The following ISL1 variants were observed in gnomAD, a reference collection of about 807,000 sequenced individuals.
ISL1 encodes the protein insulin gene enhancer protein ISL-1.
ISL1 carries 4 observed loss-of-function variants against 35.3 expected under a neutral mutation model. The ratio of observed to expected loss-of-function variants is 0.11; its 90% CI spans 0.06 to 0.26. The LOEUF (loss-of-function observed/expected upper bound fraction) is 0.26, where lower values mean the gene tolerates loss of function less well. Ranked by LOEUF, ISL1 falls within the 10% of genes least tolerant of loss-of-function variation. ISL1 has a pLI of 1.00. For missense variants in ISL1, 340 were observed against 472.8 expected (o/e 0.72, Z 2.60); for synonymous variants, 186 against 172.3 (o/e 1.08, Z -0.62).
chr5:51,384,417 AAG>A (rs1491189135), intron 1 of ISL1, 122 bp from the exon 2 acceptor site: 321 of 765,632 alleles, frequency 4.2e-4, no homozygotes, highest in African/African-American at 3.9e-3. Context: ...AAAAAAAAAA[AAG>A]AAAGAAAGAA....
In ISL1 at chr5:51,391,363, A is replaced by T; in HGVS notation, c.855A>T (p.Gln285His). 6.2e-7 allele frequency: 1 copy of T among 1,614,176 alleles called. No homozygotes were observed. Among genetic ancestry groups the T allele is most frequent in the Non-Finnish European group, 8.5e-7 (1 of 1,180,038 alleles). The change falls in exon 5 of 6, where the codon CAA (glutamine) becomes CAT (histidine). Residue 285 changes from glutamine (Q) to histidine (H), a missense_variant. Coordinates refer to ENST00000230658, the MANE Select transcript of ISL1 (RefSeq NM_002202.3). ...TACAGGCTAACCCAGTGGAAGTACA[A>T]AGTTACCAGCCACCTTGGAAAGTAC... Reference protein sequence around the residue: ...GGLQANPVEVQSYQPPWKVLS... With the variant: ...GGLQANPVEVHSYQPPWKVLS...
chr5:51,387,677 G>A lies in ISL1; in HGVS notation c.406G>A (p.Val136Met). 1 of 1,614,238 alleles carries A rather than the reference G, an allele frequency of 6.2e-7. No individual in the cohort carries two copies. Residue 136 changes from valine to methionine, a missense_variant, in exon 3 of 6, where the codon GTG becomes ATG. This residue lies in a region of ISL1 where 94 missense variants were observed against 102.1 expected (regional missense o/e 0.92). Transcript: ENST00000230658. The surrounding 1 kb of genome is among the most constrained non-coding windows in gnomAD (Gnocchi z 4.3). ...CTTCTGCCGAGCAGACCACGATGTGGTGGAGAGGGCCAGTCTAGGCGCTGG... is the reference window on the plus strand; with the variant it reads ...CTTCTGCCGAGCAGACCACGATGTGATGGAGAGGGCCAGTCTAGGCGCTGG... The part of the protein sequence containing the change: ...GLFCRADHDV[V>M]ERASLGAGDP...
Position 51,392,589 on chromosome 5 carries a change from G to A in ISL1, c.934-905G>A, listed in dbSNP as rs192897513. ...TAATCTCATATTGGAAAAATTTACT[G>A]TAGAAAGAAATGTAGGCTCTAGAAC... On this transcript the variant is annotated intron_variant, in intron 5 of 5. Transcript: ENST00000230658. Among the ~76,000 whole-genome samples the A allele has an allele frequency of 5.3e-4, 81 of 152,224 alleles. No homozygotes were observed. The East Asian group carries it at 0.013, about 25-fold the overall frequency.
rs1363860086 is a variant in ISL1, at chr5:51,391,300, C to A, written c.792C>A (p.Pro264=). The A allele has an allele frequency of 1.2e-6, 2 of 1,612,962 alleles. No individual in the cohort carries two copies. Among genetic ancestry groups the A allele is most frequent in the Non-Finnish European group, 1.7e-6 (2 of 1,179,990 alleles). ...KTNIQGMTGT[P]MVAASPERHD... Reference sequence around the variant, plus strand: ...ATATCCAGGGGATGACAGGAACTCCCATGGTGGCTGCCAGTCCAGAGAGAC... The same window carrying A: ...ATATCCAGGGGATGACAGGAACTCCAATGGTGGCTGCCAGTCCAGAGAGAC... The change falls in exon 5 of 6, where the codon CCC becomes CCA. Residue 264 remains proline, a synonymous_variant. Coordinates refer to ENST00000230658, the MANE Select transcript of ISL1 (RefSeq NM_002202.3).
intron 5 of ISL1, 45 bp from the exon 6 acceptor site, chr5:51,393,449 A>G: frequency 9.7e-7 from 1 of 1,028,544 alleles, no homozygotes; most frequent in Non-Finnish European, 1.5e-6. Context: ...CTTTTTATGA[A>G]TACTATTCCA....
intron 2 of ISL1, chr5:51,386,415 A>C: frequency 1.5e-5 from 5 of 328,326 alleles, no homozygotes; most frequent in African/African-American, 2.6e-5. Flanking sequence ...TGTGTGTGTA[A>C]TCTTGTAGTT....
intron 4 of ISL1, among the ~76,000 whole-genome samples, 159 bp downstream of exon 4, chr5:51,390,091 G>A (rs1747455019): frequency 6.6e-6 from 1 of 152,106 alleles, no homozygotes; most frequent in South Asian, 2.1e-4. Context: ...CCCATGCCCC[G>A]GGGGACAGGC....
intron 5 of ISL1, among the ~76,000 whole-genome samples, chr5:51,393,133 C>T (rs922734751): frequency 6.6e-6 from 1 of 152,166 alleles, no homozygotes; most frequent in African/African-American, 2.4e-5. Context: ...GAGAGCTCAC[C>T]TACTCCCAGG....
At chr5:51,385,868 T>A (rs1245116381) in intron 2 of ISL1, among the ~76,000 whole-genome samples, 2 of 152,236 alleles carry the variant, frequency 1.3e-5, no homozygotes, top group East Asian at 3.8e-4. Context: ...TAAAGTTTAG[T>A]TAAGATTTAA....
At position 51,389,642 on chromosome 5, in the gene ISL1, G is replaced by T. The variant is rs2303750; in HGVS notation, c.479-4G>T. ...CAGCGCTCACGGCGCTCCTTGCCCC[G>T]CAGCGGAGCCCATCTCCGCCAGGCA... On this transcript the variant is annotated splice_polypyrimidine_tract_variant and splice_region_variant and intron_variant, in intron 3 of 5. Transcript: ENST00000230658. This position sits in a 1 kb window ranked among gnomAD's most constrained non-coding sequence, Gnocchi z 5.0. 1.2e-6 allele frequency: 2 copies of T among 1,606,092 alleles called. No individual in the cohort carries two copies. The highest frequency in any genetic ancestry group is 2.2e-4 in the Middle Eastern group (1 of 4,468).
At chr5:51,390,767 G>C (rs1478044573) in intron 4 of ISL1, among the ~76,000 whole-genome samples, 12 of 145,830 alleles carry the variant, frequency 8.2e-5, no homozygotes, top group Admixed American at 7.0e-5. Flanking sequence ...GGCACTTTCT[G>C]AGTTGGTTAG....
intron 5 of ISL1, among the ~76,000 whole-genome samples, 194 bp downstream of exon 5, chr5:51,391,635 A>G (rs777999900): frequency 2.0e-5 from 3 of 151,226 alleles, no homozygotes; most frequent in Non-Finnish European, 4.4e-5. Context: ...TTTTTTTTTT[A>G]ATGAGACTGC....
intron 1 of ISL1, 146 bp downstream of exon 1, chr5:51,383,845 C>A: frequency 1.3e-6 from 1 of 746,120 alleles, no homozygotes; most frequent in Non-Finnish European, 2.5e-6. Context: ...TTGTTGCCGC[C>A]ACGCCTGCAT....
At chr5:51,393,037 G>T (rs1305991818) in intron 5 of ISL1, among the ~76,000 whole-genome samples, 12 of 152,150 alleles carry the variant, frequency 7.9e-5, no homozygotes, top group Admixed American at 7.9e-4. Flanking sequence ...TTGTTCTGTG[G>T]AGCCTCCTCT....
In ISL1 at chr5:51,390,665, T is replaced by C. The variant is rs1182478120; in HGVS notation, c.766-609T>C. On this transcript the variant is annotated intron_variant, in intron 4 of 5. Coordinates refer to ENST00000230658, the MANE Select transcript of ISL1 (RefSeq NM_002202.3). ...TTCTTTTTTTTTTTTTTTTTTTTTT[T>C]TTTTTTTTTTTTTTTACTGCTTTGG... 1.1e-4 allele frequency among the ~76,000 whole-genome samples: 14 copies of C among 132,136 alleles called. 1 individual carries two copies. The highest frequency in any genetic ancestry group is 2.4e-4 in the African/African-American group (9 of 37,004). 86.7% of individuals were successfully genotyped at this position (132,136 alleles called of 152,430 possible). A position where few individuals can be genotyped will look rare whatever the true frequency, so the allele number is the denominator to read the frequency against.
intron 5 of ISL1, 133 bp downstream of exon 5, chr5:51,391,574 G>A (rs1747516038): frequency 5.2e-6 from 5 of 966,990 alleles, no homozygotes; most frequent in Non-Finnish European, 6.4e-6. Context: ...AAGGAGGTGG[G>A]TAATGAAGAG....
chr5:51,390,635 T>TC lies in ISL1; in HGVS notation c.766-638dup, dbSNP rs1180651411. Among the ~76,000 whole-genome samples the TC allele has an allele frequency of 4.0e-4, 33 of 83,140 alleles. 1 individual carries two copies. Among genetic ancestry groups the TC allele is most frequent in the African/African-American group, 2.1e-3 (33 of 15,606 alleles). 54.5% of individuals were successfully genotyped at this position (83,140 alleles called of 152,430 possible). On this transcript the variant is annotated intron_variant, in intron 4 of 5. Coordinates refer to ENST00000230658, the MANE Select transcript of ISL1 (RefSeq NM_002202.3). ...CTTTTCTTCCTTTTTTTCTTTTCTT[T>TC]CTTTTTCTTTTTTTTTTTTTTTTTT...
rs750549162 is a variant in ISL1 at position 51,393,628 on chromosome 5, T to C, written c.*18T>C. 1.4e-6 allele frequency: 2 copies of C among 1,440,500 alleles called. No individual in the cohort carries two copies. The highest frequency in any genetic ancestry group is 1.4e-5 in the African/African-American group (1 of 71,354). The allele number at this position is 1,440,500 out of a possible 1,614,324, so 89.2% of individuals were successfully genotyped here. A position where few individuals can be genotyped will look rare whatever the true frequency, so the allele number is the denominator to read the frequency against. ...AGGCATGAGGAACATTCATTCTGTATTTTTTTTCCCTGTTGGAGAAAGTGG... is the reference window on the plus strand; with the variant it reads ...AGGCATGAGGAACATTCATTCTGTACTTTTTTTCCCTGTTGGAGAAAGTGG... On this transcript the variant is annotated 3_prime_UTR_variant, in exon 6 of 6. Transcript: ENST00000230658.
At position 51,383,467 on chromosome 5, in the gene ISL1, C is replaced by G. The variant is rs1262246733; in HGVS notation, c.-205C>G. On this transcript the variant is annotated 5_prime_UTR_variant, in exon 1 of 6. Coordinates refer to ENST00000230658, the MANE Select transcript of ISL1 (RefSeq NM_002202.3). ...CGCGCCGAGTCTGCCGCCGCCGCAG[C>G]GCCTCCGCTCCGCCAACTCCGCCGG... 6.4e-6 allele frequency: 4 copies of G among 621,250 alleles called. No homozygotes were observed. Among genetic ancestry groups the G allele is most frequent in the South Asian group, 3.8e-5 (2 of 52,276 alleles). 38.5% of individuals were successfully genotyped at this position (621,250 alleles called of 1,614,324 possible). A position where few individuals can be genotyped will look rare whatever the true frequency, so the allele number is the denominator to read the frequency against.
Sources: gnomAD v4.1 joint callset for allele counts (sites outside exome capture counted in the v4.1 genomes callset) on GRCh38, gnomAD v4.1.1 for gene constraint, gnomAD v4.1.1 regional missense constraint, Gnocchi (gnomAD v3.1) non-coding constraint, MANE v1.5 for transcripts, NCBI Gene and HGNC (gene_info 2026-07-23, HGNC 2026-07-21) for gene names.